Variants in HDAC5 observed in about 807,000 individuals in gnomAD.
The protein encoded by HDAC5 is histone deacetylase 5.
In HDAC5, 25 loss-of-function variants were observed where a neutral mutation model predicts 133.3. The ratio of observed to expected loss-of-function variants is 0.19; its 90% CI spans 0.14 to 0.26. HDAC5 has a LOEUF of 0.26. HDAC5 is among the 10% of genes least tolerant of loss of function. HDAC5 has a pLI of 1.00. For synonymous variants in HDAC5, 589 were observed against 610.8 expected (o/e 0.96, Z 0.53); for missense variants, 1,041 against 1,460.5 (o/e 0.71, Z 4.68).
chr17:44,085,945 C>G (rs1333907831), intron 14 of HDAC5, among the ~76,000 whole-genome samples: 1 of 152,122 alleles, frequency 6.6e-6, no homozygotes, highest in African/African-American at 2.4e-5. Context: ...CCTGGCCTTT[C>G]CTCTCCAGCC....
chr17:44,080,927 A>T (rs1327462955), intron 20 of HDAC5, 45 bp from the exon 21 acceptor site: 1 of 1,613,172 alleles, frequency 6.2e-7, no homozygotes, highest in Non-Finnish European at 8.5e-7. Context: ...CCGCGCTCTG[A>T]CCCAATGGTC....
Position 44,093,455 on chromosome 17 carries a change from G to A in HDAC5, c.385C>T (p.Gln129Ter). ...QQQEMLAAKQ[Q>*]QEMLAAKRQQ... ...CGCTTGGCTGCCAGCATCTCCTGCT[G>A]CTGCTTGGCTGCCAGCATCTCCTGC... Residue 129 changes from glutamine (Q) to a stop codon, truncating the protein, a stop_gained, in exon 5 of 27, where the codon CAG becomes TAG. Transcript: ENST00000682912. LOFTEE classifies it high-confidence loss of function. The A allele has an allele frequency of 6.2e-7, 1 of 1,605,922 alleles. No homozygotes were observed.
intron 1 of HDAC5, 125 bp downstream of exon 1, chr17:44,123,379 A>AAGGGGGGCGCGG (rs967195124): frequency 1.5e-5 from 5 of 335,928 alleles, no homozygotes; most frequent in African/African-American, 1.1e-4. Context: ...GGGAGGAAGG[A>AAGGGGGGCGCGG]AGGGGGGCGC....
intron 21 of HDAC5, 53 bp from the exon 22 acceptor site, chr17:44,080,551 A>G (rs2050342843): frequency 9.5e-6 from 15 of 1,574,102 alleles, no homozygotes; most frequent in Non-Finnish European, 1.3e-5. Flanking sequence ...AGTCCCAAAC[A>G]TTGCCCCTGC....
chr17:44,109,296 T>C (rs1236472752), intron 3 of HDAC5, among the ~76,000 whole-genome samples: 1 of 152,132 alleles, frequency 6.6e-6, no homozygotes, highest in African/African-American at 2.4e-5. Flanking sequence ...GCAGGGTCTT[T>C]AGCTGGACCT....
intron 3 of HDAC5, among the ~76,000 whole-genome samples, chr17:44,107,372 G>C (rs1191146066): frequency 6.6e-6 from 1 of 152,230 alleles, no homozygotes; most frequent in African/African-American, 2.4e-5. Flanking sequence ...ACTGTGGGGA[G>C]GCTGAGGCAG....
At position 44,117,629 on chromosome 17, in the gene HDAC5, CG is replaced by C; in HGVS notation, c.-115del. On this transcript the variant is annotated 5_prime_UTR_variant, in exon 2 of 27. The change abolishes the stop of an existing upstream ORF in the 5' untranslated region. Coordinates refer to ENST00000682912, the MANE Select transcript of HDAC5 (RefSeq NM_005474.5). This position sits in a 1 kb window ranked among gnomAD's most constrained non-coding sequence, Gnocchi z 4.2. Reference sequence around the variant, plus strand: ...CAGACAGACGGACGGGACGGGAGCCCGGGGCCGCCGTGCCTCTAATGCCCAT... The same window carrying C: ...CAGACAGACGGACGGGACGGGAGCCCGGGCCGCCGTGCCTCTAATGCCCAT... 4 of 1,286,948 alleles carry C rather than the reference CG, an allele frequency of 3.1e-6. No homozygotes were observed. The highest frequency in any genetic ancestry group is 4.4e-6 in the Non-Finnish European group (4 of 899,152). 79.7% of individuals were successfully genotyped at this position (1,286,948 alleles called of 1,614,324 possible).
chr17:44,086,690 C>T lies in HDAC5; in HGVS notation c.1932G>A (p.Ala644=), dbSNP rs200374789. The part of the protein sequence containing the change: ...QPLQPLQVYQ[A]PLSLATVPHQ... ...GGGGCACAGTGGCCAGGCTGAGGGG[C>T]GCCTGGTACACCTGCAAAGGCTGCA... is the stretch of plus-strand genomic sequence containing the variant. Residue 644 remains alanine, a synonymous_variant, in exon 14 of 27, where the codon GCG becomes GCA. Transcript: ENST00000682912. 6.9e-6 allele frequency: 9 copies of T among 1,299,580 alleles called. No homozygotes were observed. The highest frequency in any genetic ancestry group is 7.9e-6 in the Non-Finnish European group (8 of 1,016,634). 80.5% of individuals were successfully genotyped at this position (1,299,580 alleles called of 1,614,324 possible).
At position 44,092,094 on chromosome 17, in the gene HDAC5, T is replaced by C; in HGVS notation, c.1032+78A>G. ...CTGCTGGGCACTCAGGCAGACAGAC[T>C]GGAAGGAGCTGCACTCTTTCTTCCA... On this transcript the variant is annotated intron_variant, in intron 9 of 26. Transcript: ENST00000682912. The C allele has an allele frequency of 3.1e-6, 4 of 1,291,028 alleles. No homozygotes were observed. The South Asian group carries it at 4.0e-5, about 13-fold the overall frequency. The allele number at this position is 1,291,028 out of a possible 1,614,324, so 80.0% of individuals were successfully genotyped here.
chr17:44,090,085 T>C (rs901737490), intron 11 of HDAC5, among the ~76,000 whole-genome samples: 2 of 150,798 alleles, frequency 1.3e-5, no homozygotes, highest in African/African-American at 4.9e-5. Context: ...ATACAAAAAT[T>C]AGCCAGGCGC....
At chr17:44,091,643 T>C in intron 10 of HDAC5, 57 bp downstream of exon 10, 3 of 1,514,064 alleles carry the variant, frequency 2.0e-6, no homozygotes, top group Non-Finnish European at 2.7e-6. Context: ...GCTGGGGGCA[T>C]GCAGGACCTG....
In HDAC5 at chr17:44,117,723, G is replaced by C. The variant is rs2052734223; in HGVS notation, c.-189-19C>G. ...GGCATCCCTGGGGAGAGATGGAGCA[G>C]GGTTAGAGGCCCCTAACTCAGGAAT... On this transcript the variant is annotated intron_variant, in intron 1 of 26. Coordinates refer to ENST00000682912, the MANE Select transcript of HDAC5 (RefSeq NM_005474.5). The surrounding 1 kb of genome is among the most constrained non-coding windows in gnomAD (Gnocchi z 4.2). 1 of 616,188 alleles carries C rather than the reference G, an allele frequency of 1.6e-6. No homozygotes were observed. Among genetic ancestry groups the C allele is most frequent in the Non-Finnish European group, 2.9e-6 (1 of 342,710 alleles). The allele number at this position is 616,188 out of a possible 1,614,324, so 38.2% of individuals were successfully genotyped here. A position where few individuals can be genotyped will look rare whatever the true frequency, so the allele number is the denominator to read the frequency against.
chr17:44,079,345 A>G, intron 23 of HDAC5, 68 bp from the exon 24 acceptor site: 1 of 1,540,942 alleles, frequency 6.5e-7, no homozygotes, highest in South Asian at 1.2e-5. Flanking sequence ...AGAGCCAGTA[A>G]GAGGAGAGAA....
At chr17:44,121,438 C>T (rs1328950994) in intron 1 of HDAC5, among the ~76,000 whole-genome samples, 2 of 136,908 alleles carry the variant, frequency 1.5e-5, no homozygotes, top group Non-Finnish European at 3.2e-5. Flanking sequence ...TCCCCCTTCC[C>T]CCCCCTACTG....
intron 3 of HDAC5, among the ~76,000 whole-genome samples, chr17:44,099,764 G>A (rs1051704040): frequency 1.3e-5 from 2 of 152,118 alleles, no homozygotes; most frequent in Admixed American, 1.3e-4. Flanking sequence ...GTGAGCCACC[G>A]TGCCTGGCCT....
intron 20 of HDAC5, 185 bp downstream of exon 20, chr17:44,082,400 T>C (rs1266639131): frequency 5.0e-6 from 3 of 598,786 alleles, no homozygotes; most frequent in Non-Finnish European, 6.0e-6. Context: ...GGGAGCCCTG[T>C]TGGAATGTGA....
chr17:44,120,938 T>G (rs954473108), intron 1 of HDAC5, among the ~76,000 whole-genome samples: 1 of 151,356 alleles, frequency 6.6e-6, no homozygotes, highest in Non-Finnish European at 1.5e-5. Context: ...GTGGCTGACT[T>G]GGATGTCCAG....
In HDAC5 at chr17:44,092,413, C is replaced by T. The variant is rs560931871; in HGVS notation, c.887G>A (p.Arg296Lys). The change falls in exon 8 of 27, where the codon AGA becomes AAA. Residue 296 changes from arginine (R) to lysine (K), a missense_variant. This residue lies in a region of HDAC5 where 433 missense variants were observed against 531.6 expected (regional missense o/e 0.81). Transcript: ENST00000682912. The stretch of plus-strand genomic sequence containing the variant: ...CCCGGCACCTGTGATCTCAACAGCT[C>T]TCTTCTTAAAGGTGCTAATAACAGT... ...DGTVISTFKK[R>K]AVEITGAGPG... 3.7e-6 allele frequency: 6 copies of T among 1,613,794 alleles called. No individual in the cohort carries two copies. Among genetic ancestry groups the T allele is most frequent in the Non-Finnish European group, 5.1e-6 (6 of 1,179,850 alleles).
At chr17:44,088,177 A>C (rs1446772278) in intron 12 of HDAC5, among the ~76,000 whole-genome samples, 2 of 152,038 alleles carry the variant, frequency 1.3e-5, no homozygotes, top group Non-Finnish European at 2.9e-5. Context: ...ACGCCTGGCT[A>C]ATTTTTGTAT....
Sources: gnomAD v4.1 joint callset for allele counts (sites outside exome capture counted in the v4.1 genomes callset) on GRCh38, gnomAD v4.1.1 for gene constraint, gnomAD v4.1.1 regional missense constraint, Gnocchi (gnomAD v3.1) non-coding constraint, MANE v1.5 for transcripts, NCBI Gene and HGNC (gene_info 2026-07-23, HGNC 2026-07-21) for gene names.